Variants in GPC6 observed in about 807,000 individuals in gnomAD.
GPC6 encodes glypican 6.
GPC6 carries 14 observed loss-of-function variants against 55.2 expected under a neutral mutation model. The observed-to-expected ratio is 0.25, with a 90% CI of 0.17 to 0.40. The LOEUF (loss-of-function observed/expected upper bound fraction) is 0.40, where lower values mean the gene tolerates loss of function less well. Ranked by LOEUF, GPC6 falls within the 10% of genes least tolerant of loss-of-function variation. The pLI, the probability that GPC6 is intolerant of heterozygous loss-of-function variation, is 1.00. For missense variants in GPC6, 641 were observed against 708.5 expected, an observed-to-expected ratio of 0.90 and a Z score of 1.08; for synonymous variants, 278 against 259.6, an observed-to-expected ratio of 1.07 and a Z score of -0.68.
At chr13:93,846,107 C>T (rs9561458) in intron 3 of GPC6, among the ~76,000 whole-genome samples, 46,140 of 151,968 alleles carry the variant, frequency 0.3, 7,186 homozygotes, top group African/African-American at 0.34. Flanking sequence ...AAAACATCCT[C>T]GTAATATATA....
At chr13:93,423,180 CTT>C (rs1876989176) in intron 1 of GPC6, among the ~76,000 whole-genome samples, 4 of 152,122 alleles carry the variant, frequency 2.6e-5, no homozygotes, top group Admixed American at 2.6e-4. Context: ...TTAAACAATG[CTT>C]GCCTTGCAGT....
intron 6 of GPC6, among the ~76,000 whole-genome samples, chr13:94,319,466 A>G (rs537369494): frequency 6.5e-4 from 99 of 152,320 alleles, no homozygotes; most frequent in African/African-American, 2.3e-3. Flanking sequence ...TGTTATTACC[A>G]TTTTATACTG....
At chr13:93,444,005 C>T (rs1452448304) in intron 1 of GPC6, among the ~76,000 whole-genome samples, 4 of 152,178 alleles carry the variant, frequency 2.6e-5, no homozygotes, top group Admixed American at 6.5e-5. Flanking sequence ...ATTTTTATTC[C>T]ATGACCATAG....
At chr13:93,219,090 A>G in the GPC6 span, among the ~76,000 whole-genome samples, 102,606 of 134,132 alleles carry the variant, frequency 0.76, 36,717 homozygotes, top group East Asian at 0.84. Context: ...TTTCTTTCCT[A>G]TTTTTTTTTT....
At chr13:93,429,876 G>A (rs935992196) in intron 1 of GPC6, among the ~76,000 whole-genome samples, 2 of 151,934 alleles carry the variant, frequency 1.3e-5, no homozygotes, top group African/African-American at 4.8e-5. Context: ...GTACTTCCTC[G>A]GGAATTCCAG....
In GPC6 at chr13:93,454,831, G is replaced by A. The variant is rs140402555; in HGVS notation, c.161-90432G>A. Among the ~76,000 whole-genome samples, 241 of 152,218 alleles carry A rather than the reference G, an allele frequency of 1.6e-3. 4 individuals carry two copies. The East Asian group carries it at 0.037, about 23-fold the overall frequency. On this transcript the variant is annotated intron_variant, in intron 1 of 8. Coordinates refer to ENST00000377047, the MANE Select transcript of GPC6 (RefSeq NM_005708.5). ...GGTCGATGGGAGTGGGCGCCCTGGA[G>A]CAGGGGGTGGAGCTGTCGAGGAGGC... is the stretch of plus-strand genomic sequence containing the variant.
At chr13:94,294,651 T>C (rs1212931806) in intron 5 of GPC6, among the ~76,000 whole-genome samples, 1 of 152,082 alleles carries the variant, frequency 6.6e-6, no homozygotes, top group East Asian at 1.9e-4. Context: ...TTTCTCCAGA[T>C]CTTTTTCCTT....
Position 94,181,559 on chromosome 13 carries a change from GT to G in GPC6, c.878-104789del, listed in dbSNP as rs768316642. On this transcript the variant is annotated intron_variant, in intron 4 of 8. Transcript: ENST00000377047. ...AATCTATTGTCTATGGAAGAAGACA[GT>G]CAGGCCCCAACAATTTAATTCACTT... 2.0e-5 allele frequency among the ~76,000 whole-genome samples: 3 copies of G among 152,212 alleles called. No homozygotes were observed. The East Asian group carries it at 5.8e-4, about 29-fold the overall frequency.
intron 2 of GPC6, among the ~76,000 whole-genome samples, chr13:93,640,442 C>G (rs1438956176): frequency 6.6e-6 from 1 of 152,010 alleles, no homozygotes; most frequent in Non-Finnish European, 1.5e-5. Context: ...TAAATAACTT[C>G]TACAAGGTCA....
At chr13:94,315,792 A>G (rs1876489381) in intron 6 of GPC6, among the ~76,000 whole-genome samples, 1 of 152,242 alleles carries the variant, frequency 6.6e-6, no homozygotes, top group African/African-American at 2.4e-5. Flanking sequence ...GTGCACTAAC[A>G]TGAACCATGC....
intron 4 of GPC6, among the ~76,000 whole-genome samples, chr13:94,116,556 T>C (rs1593949132): frequency 6.6e-6 from 1 of 152,120 alleles, no homozygotes; most frequent in African/African-American, 2.4e-5. Context: ...AAGCCCTTGG[T>C]TTCTTTCCTG....
At chr13:94,388,109 AC>A (rs1056049441) in intron 7 of GPC6, among the ~76,000 whole-genome samples, 2 of 152,226 alleles carry the variant, frequency 1.3e-5, no homozygotes, top group African/African-American at 4.8e-5. Flanking sequence ...ACACACTTAT[AC>A]TAAAAAAAGG....
chr13:93,823,116 G>C (rs992281263), intron 2 of GPC6, among the ~76,000 whole-genome samples: 1 of 151,954 alleles, frequency 6.6e-6, no homozygotes, highest in African/African-American at 2.4e-5. Flanking sequence ...GCCTGCCATG[G>C]CCTTTCAAAG....
intron 2 of GPC6, among the ~76,000 whole-genome samples, chr13:93,658,928 A>G (rs953883555): frequency 3.3e-5 from 5 of 151,842 alleles, no homozygotes; most frequent in African/African-American, 1.2e-4. Flanking sequence ...GTTTTCAGAA[A>G]GATATATGTG....
chr13:93,832,927 A>T (rs1887574517), intron 3 of GPC6, among the ~76,000 whole-genome samples: 1 of 152,148 alleles, frequency 6.6e-6, no homozygotes, highest in Non-Finnish European at 1.5e-5. Context: ...TAGGTCATTT[A>T]ACCTTGGAAA....
intron 2 of GPC6, among the ~76,000 whole-genome samples, chr13:93,636,331 A>G (rs1278769880): frequency 1.3e-5 from 2 of 152,222 alleles, no homozygotes; most frequent in Non-Finnish European, 1.5e-5. Context: ...AAACAAAACA[A>G]TTGAAACCCC....
intron 1 of GPC6, among the ~76,000 whole-genome samples, chr13:93,320,339 A>T (rs963412490): frequency 6.6e-6 from 1 of 151,990 alleles, no homozygotes; most frequent in African/African-American, 2.4e-5. Flanking sequence ...CTACATTTTA[A>T]AGTGATTCCC....
intron 1 of GPC6, among the ~76,000 whole-genome samples, chr13:93,453,845 C>T (rs1455971441): frequency 6.6e-6 from 1 of 151,980 alleles, no homozygotes; most frequent in Non-Finnish European, 1.5e-5. Context: ...AGATTTATTG[C>T]AAAGAGCAAA....
intron 1 of GPC6, among the ~76,000 whole-genome samples, chr13:93,318,820 G>A (rs923239656): frequency 6.6e-6 from 1 of 151,986 alleles, no homozygotes; most frequent in Non-Finnish European, 1.5e-5. Flanking sequence ...GTCTAAGTAG[G>A]GTATGTTATA....
Sources: allele counts gnomAD v4.1 joint callset (sites outside exome capture counted in the v4.1 genomes callset), GRCh38; gene constraint gnomAD v4.1.1; transcripts MANE v1.5; gene names NCBI Gene and HGNC (gene_info 2026-07-23, HGNC 2026-07-21).